The following LILRB1 variants were observed in gnomAD, a reference collection of about 807,000 sequenced individuals.
LILRB1 encodes leukocyte immunoglobulin-like receptor subfamily B member 1.
LILRB1 carries 59 observed loss-of-function variants against 74.6 expected under a neutral mutation model. The observed-to-expected ratio is 0.79, with a 90% CI of 0.64 to 0.98. LILRB1 has a LOEUF of 0.98. Ranked by LOEUF, LILRB1 falls within the 50% of genes least tolerant of loss-of-function variation. The pLI is 0.00. For missense variants in LILRB1, 804 were observed against 822.6 expected (o/e 0.98, Z 0.28); for synonymous variants, 328 against 333.9 (o/e 0.98, Z 0.19).
At chr19:54,632,943 C>T in intron 6 of LILRB1, 73 bp from the exon 7 acceptor site, 2 of 1,562,276 alleles carry the variant, frequency 1.3e-6, no homozygotes, top group Non-Finnish European at 1.7e-6. Context: ...CTGAGGGTCC[C>T]AGAGGGAGAC....
chr19:54,637,103 T>C lies in LILRB1; in HGVS notation c.*225T>C. On this transcript the variant is annotated 3_prime_UTR_variant, in exon 15 of 15. Transcript: ENST00000324602. The stretch of plus-strand genomic sequence containing the variant: ...CAATGAAGTAGCTGAGAAAACTAAG[T>C]CAGAAAGTGCATTAAACTGAATCAC... The C allele has an allele frequency of 1.8e-6, 1 of 557,544 alleles. No homozygotes were observed. Among genetic ancestry groups the C allele is most frequent in the Non-Finnish European group, 3.1e-6 (1 of 318,822 alleles). 34.5% of individuals were successfully genotyped at this position (557,544 alleles called of 1,614,324 possible). A position where few individuals can be genotyped will look rare whatever the true frequency, so the allele number is the denominator to read the frequency against.
intron 13 of LILRB1, 75 bp from the exon 14 acceptor site, chr19:54,636,419 G>A (rs71365476): frequency 3.9e-5 from 57 of 1,479,382 alleles, no homozygotes; most frequent in African/African-American, 3.1e-4. Context: ...CGGATCACCC[G>A]GGGAACAGTG....
At chr19:54,620,223 G>A (rs968947240) in intron 1 of LILRB1, among the ~76,000 whole-genome samples, 1 of 152,064 alleles carries the variant, frequency 6.6e-6, no homozygotes, top group Non-Finnish European at 1.5e-5. Context: ...TAGAGGAAGG[G>A]CAAAAACAAG....
chr19:54,618,760 T>C (rs532843830), intron 1 of LILRB1, among the ~76,000 whole-genome samples: 5 of 152,348 alleles, frequency 3.3e-5, no homozygotes, highest in African/African-American at 1.2e-4. Flanking sequence ...AAAATAACTT[T>C]ATATTTAACC....
upstream of LILRB1, among the ~76,000 whole-genome samples, chr19:54,628,016 T>G (rs139719824): frequency 7.4e-3 from 1,128 of 152,236 alleles, 17 homozygotes; most frequent in African/African-American, 0.026. Flanking sequence ...AGAGACAGGG[T>G]CATTTATAAC....
At position 54,637,528 on chromosome 19, in the gene LILRB1, T is replaced by TAAAAAAAA. The variant is rs982853962; in HGVS notation, c.*661_*668dup. The TAAAAAAAA allele has an allele frequency of 1.3e-5, 1 of 78,872 alleles. No homozygotes were observed. The highest frequency in any genetic ancestry group is 4.4e-5 in the African/African-American group (1 of 22,920). 4.9% of individuals were successfully genotyped at this position (78,872 alleles called of 1,614,324 possible). On this transcript the variant is annotated 3_prime_UTR_variant, in exon 15 of 15. Coordinates refer to ENST00000324602, the MANE Select transcript of LILRB1 (RefSeq NM_001081637.3). ...GACAGAGGGAGACTCCATCTCAAAT[T>TAAAAAAAA]AAAAAAAAAAAAAAAAAAGAAAGAA...
At chr19:54,634,102 T>C (rs1285335966) in intron 9 of LILRB1, 81 bp downstream of exon 9, 4 of 1,548,004 alleles carry the variant, frequency 2.6e-6, no homozygotes, top group Non-Finnish European at 3.5e-6. Flanking sequence ...CAGTCTCCTC[T>C]GGAGGTGGTG....
chr19:54,633,583 G>T (rs912396900), intron 7 of LILRB1, 55 bp from the exon 8 acceptor site: 18 of 1,550,106 alleles, frequency 1.2e-5, no homozygotes, highest in Non-Finnish European at 1.5e-5. Flanking sequence ...TTGGTTTGAG[G>T]TGGAGACTTC....
At chr19:54,623,813 A>G (rs2063512454) in intron 1 of LILRB1, among the ~76,000 whole-genome samples, 1 of 152,126 alleles carries the variant, frequency 6.6e-6, no homozygotes, top group South Asian at 2.1e-4. Flanking sequence ...CTCTCTTCGA[A>G]TTTATTTTCA....
Position 54,633,214 on chromosome 19 carries a change from C to T in LILRB1, c.1157C>T (p.Pro386Leu). ...TACCAGGCTGAATTCCCCATGGGTC[C>T]TGTGACCTCAGCCCATGCGGGGACC... ...QKYQAEFPMGPVTSAHAGTYR... is the reference protein window; with the variant it reads ...QKYQAEFPMGLVTSAHAGTYR... Residue 386 changes from proline (P) to leucine (L), a missense_variant, in exon 7 of 15, where the codon CCT (proline) becomes CTT (leucine). Transcript: ENST00000324602. 1 of 1,614,226 alleles carries T rather than the reference C, an allele frequency of 6.2e-7. No individual in the cohort carries two copies. Among genetic ancestry groups the T allele is most frequent in the Non-Finnish European group, 8.5e-7 (1 of 1,180,038 alleles).
chr19:54,617,184 C>A (rs1568559093), exon 1 of LILRB1: 1 of 151,886 alleles, frequency 6.6e-6, no homozygotes, highest in Non-Finnish European at 1.5e-5. Flanking sequence ...AGAGGAGGAA[C>A]AGAAAAGAAA....
Position 54,631,480 on chromosome 19 carries a change from G to A in LILRB1, c.71-20G>A, listed in dbSNP as rs777104463. The A allele has an allele frequency of 5.6e-6, 9 of 1,598,910 alleles. No homozygotes were observed. The highest frequency in any genetic ancestry group is 2.7e-5 in the African/African-American group (2 of 74,304). Reference sequence around the variant, plus strand: ...TTGGGTGGGAAATGAGTTAGAATCTGACTCCTGATTTCCTTCCAGGGCACC... The same window carrying A: ...TTGGGTGGGAAATGAGTTAGAATCTAACTCCTGATTTCCTTCCAGGGCACC... On this transcript the variant is annotated intron_variant, in intron 3 of 14. Coordinates refer to ENST00000324602, the MANE Select transcript of LILRB1 (RefSeq NM_001081637.3).
At chr19:54,634,384 G>A (rs1373970872) in intron 9 of LILRB1, 3 of 1,540,100 alleles carry the variant, frequency 1.9e-6, no homozygotes, top group Non-Finnish European at 2.6e-6. Context: ...CGGCTCTGGT[G>A]CAGGAACAAG....
At position 54,631,648 on chromosome 19, in the gene LILRB1, C is replaced by T; in HGVS notation, c.219C>T (p.Ile73=). The change falls in exon 4 of 15, where the codon ATC becomes ATT. Residue 73 remains isoleucine (I), a synonymous_variant. Coordinates refer to ENST00000324602, the MANE Select transcript of LILRB1 (RefSeq NM_001081637.3). The stretch of plus-strand genomic sequence containing the variant: ...AAACAGCACCCTGGATTACACGGAT[C>T]CCACAGGAGCTTGTGAAGAAGGGCC... ...EKKTAPWITR[I]PQELVKKGQF... 6.2e-7 allele frequency: 1 copy of T among 1,614,282 alleles called. No homozygotes were observed. The highest frequency in any genetic ancestry group is 8.5e-7 in the Non-Finnish European group (1 of 1,180,050).
At chr19:54,624,680 G>C (rs2063534288) in intron 1 of LILRB1, among the ~76,000 whole-genome samples, 1 of 152,194 alleles carries the variant, frequency 6.6e-6, no homozygotes, top group African/African-American at 2.4e-5. Flanking sequence ...TAGGTGGCCG[G>C]CTGGACAGCG....
At chr19:54,616,498 A>T (rs1178437934), upstream of LILRB1, among the ~76,000 whole-genome samples, 1 of 152,172 alleles carries the variant, frequency 6.6e-6, no homozygotes, top group Non-Finnish European at 1.5e-5. Context: ...GAGCTAAGGT[A>T]CCAGCAGGGG....
chr19:54,629,532 G>A (rs2063699205), upstream of LILRB1, among the ~76,000 whole-genome samples: 1 of 152,200 alleles, frequency 6.6e-6, no homozygotes, highest in African/African-American at 2.4e-5. Context: ...ACACCCTGGT[G>A]TTTAGTGCTT....
At chr19:54,634,224 G>C in intron 9 of LILRB1, 2 of 1,497,662 alleles carry the variant, frequency 1.3e-6, no homozygotes, top group Non-Finnish European at 1.8e-6. Flanking sequence ...TGACCTCCTG[G>C]GAGAGGAGGC....
upstream of LILRB1, among the ~76,000 whole-genome samples, chr19:54,626,134 C>T (rs1435823149): frequency 6.6e-6 from 1 of 152,220 alleles, no homozygotes; most frequent in Non-Finnish European, 1.5e-5. Context: ...AGGCAGACTC[C>T]AGCCCTTTCC....
Sources: allele counts gnomAD v4.1 joint callset (sites outside exome capture counted in the v4.1 genomes callset), GRCh38; gene constraint gnomAD v4.1.1; transcripts MANE v1.5; gene names NCBI Gene and HGNC (gene_info 2026-07-23, HGNC 2026-07-21).